Variants in FRMD4A observed in about 807,000 individuals in gnomAD.
The protein encoded by FRMD4A is FERM domain containing 4A.
FRMD4A carries 29 observed loss-of-function variants against 129.1 expected under a neutral mutation model. The observed-to-expected ratio is 0.22, with a 90% CI of 0.17 to 0.31. FRMD4A has a LOEUF of 0.31. FRMD4A is among the 10% of genes least tolerant of loss of function. FRMD4A has a pLI of 1.00. For synonymous variants in FRMD4A, 634 were observed against 571.6 expected (o/e 1.11, Z -1.56); for missense variants, 1,272 against 1,375.8 (o/e 0.92, Z 1.19).
At chr10:13,994,681 T>C (rs909009404) in intron 2 of FRMD4A, among the ~76,000 whole-genome samples, 1 of 152,206 alleles carries the variant, frequency 6.6e-6, no homozygotes. Flanking sequence ...CTCACTCTGT[T>C]CCTCTCTCAC....
intron 2 of FRMD4A, among the ~76,000 whole-genome samples, chr10:14,222,428 G>A (rs1843292836): frequency 6.6e-6 from 1 of 152,164 alleles, no homozygotes; most frequent in African/African-American, 2.4e-5. Flanking sequence ...TGTCTATCCA[G>A]TTGCCCAATC....
At chr10:13,861,393 A>G (rs991588379) in intron 2 of FRMD4A, among the ~76,000 whole-genome samples, 2 of 152,198 alleles carry the variant, frequency 1.3e-5, no homozygotes, top group African/African-American at 4.8e-5. Context: ...AAGTCATCCC[A>G]TATTTCCATC....
intron 2 of FRMD4A, among the ~76,000 whole-genome samples, chr10:14,301,890 T>C (rs1225207099): frequency 2.0e-5 from 3 of 152,024 alleles, no homozygotes; most frequent in South Asian, 2.1e-4. Flanking sequence ...CCCTGGATGG[T>C]TGGGTGCAGG....
intron 15 of FRMD4A, chr10:13,685,391 T>G (rs760100086): frequency 2.0e-6 from 2 of 985,038 alleles, no homozygotes; most frequent in Non-Finnish European, 2.4e-6. Context: ...AACTGAACAT[T>G]CATTTTAAAA....
intron 2 of FRMD4A, among the ~76,000 whole-genome samples, chr10:14,272,130 G>T (rs73603229): frequency 0.014 from 2,062 of 152,106 alleles, 48 homozygotes; most frequent in African/African-American, 0.047. Flanking sequence ...TAAAATAAAG[G>T]TTTGTTTTTT....
chr10:13,967,026 A>G (rs571020499), intron 2 of FRMD4A, among the ~76,000 whole-genome samples: 2 of 152,354 alleles, frequency 1.3e-5, no homozygotes, highest in Non-Finnish European at 2.9e-5. Context: ...CTAAGCTATG[A>G]GGATGCACAG....
chr10:14,036,356 G>C (rs1833502878), intron 2 of FRMD4A, among the ~76,000 whole-genome samples: 1 of 152,190 alleles, frequency 6.6e-6, no homozygotes, highest in African/African-American at 2.4e-5. Context: ...CTGCTTGTGA[G>C]TTTTGAAAGT....
At chr10:13,678,418 G>A (rs1300774091) in intron 15 of FRMD4A, among the ~76,000 whole-genome samples, 1 of 152,260 alleles carries the variant, frequency 6.6e-6, no homozygotes, top group South Asian at 2.1e-4. Flanking sequence ...ATGGTGGATA[G>A]AGGGTAAAAC....
chr10:14,038,508 C>A (rs950804801), intron 2 of FRMD4A, among the ~76,000 whole-genome samples: 3 of 152,106 alleles, frequency 2.0e-5, no homozygotes, highest in African/African-American at 7.2e-5. Flanking sequence ...TCCAATTTCT[C>A]CTTAGCCTTG....
chr10:13,950,915 A>C (rs2095366450), intron 2 of FRMD4A, among the ~76,000 whole-genome samples: 1 of 152,230 alleles, frequency 6.6e-6, no homozygotes, highest in Non-Finnish European at 1.5e-5. Flanking sequence ...GTCACAGATA[A>C]GCTAAGACAA....
chr10:14,117,617 G>A (rs1838265362), intron 2 of FRMD4A, among the ~76,000 whole-genome samples: 1 of 152,250 alleles, frequency 6.6e-6, no homozygotes, highest in Non-Finnish European at 1.5e-5. Flanking sequence ...GGTGAAGGCT[G>A]AAGGTCACTA....
intron 12 of FRMD4A, chr10:13,707,669 G>C (rs940194700): frequency 1.0e-6 from 1 of 985,858 alleles, no homozygotes; most frequent in Admixed American, 6.1e-5. Flanking sequence ...GCCTTGCAAA[G>C]GGCGGAGGAG....
intron 2 of FRMD4A, among the ~76,000 whole-genome samples, chr10:14,157,715 A>T (rs1043394589): frequency 6.6e-6 from 1 of 152,160 alleles, no homozygotes; most frequent in East Asian, 1.9e-4. Flanking sequence ...TACAGCACAC[A>T]CAGGACACAA....
rs531873287 is a variant in FRMD4A, at chr10:14,267,929, T to C, written c.45+62129A>G. ...ACAAATGTTAGAATACAGCCTAACA[T>C]TAAAACATCAGTATCTTAAATCTAG... On this transcript the variant is annotated intron_variant, in intron 2 of 24. Coordinates refer to ENST00000357447, the MANE Select transcript of FRMD4A (RefSeq NM_018027.5). 2.0e-5 allele frequency among the ~76,000 whole-genome samples: 3 copies of C among 152,334 alleles called. No individual in the cohort carries two copies. The East Asian group carries it at 5.8e-4, about 29-fold the overall frequency.
chr10:13,650,403 T>A (rs984102056), intron 24 of FRMD4A, among the ~76,000 whole-genome samples: 2 of 152,178 alleles, frequency 1.3e-5, no homozygotes, highest in Non-Finnish European at 2.9e-5. Context: ...TGTGCACATG[T>A]ATGCATGAGC....
At chr10:14,292,454 T>G (rs1407095428) in intron 2 of FRMD4A, among the ~76,000 whole-genome samples, 1 of 152,200 alleles carries the variant, frequency 6.6e-6, no homozygotes, top group African/African-American at 2.4e-5. Flanking sequence ...AAATGGCATA[T>G]CCTCCTCACA....
intron 2 of FRMD4A, among the ~76,000 whole-genome samples, chr10:14,322,196 G>C (rs563502671): frequency 6.6e-6 from 1 of 152,138 alleles, no homozygotes; most frequent in Non-Finnish European, 1.5e-5. Flanking sequence ...GGCAGGGGAC[G>C]TGAGTACATA....
At chr10:14,156,792 T>C (rs1204434019) in intron 2 of FRMD4A, among the ~76,000 whole-genome samples, 1 of 152,248 alleles carries the variant, frequency 6.6e-6, no homozygotes, top group Non-Finnish European at 1.5e-5. Flanking sequence ...TCCTGGAACA[T>C]AGCTTATAAA....
At chr10:13,951,759 G>A (rs993081738) in intron 2 of FRMD4A, among the ~76,000 whole-genome samples, 1 of 151,710 alleles carries the variant, frequency 6.6e-6, no homozygotes, top group Non-Finnish European at 1.5e-5. Flanking sequence ...GCGTGGTGGC[G>A]GGCGCCTGGA....
Sources: allele counts gnomAD v4.1 joint callset (sites outside exome capture counted in the v4.1 genomes callset), GRCh38; gene constraint gnomAD v4.1.1; transcripts MANE v1.5; gene names NCBI Gene and HGNC (gene_info 2026-07-23, HGNC 2026-07-21).